Variants in STMN1 observed in about 807,000 individuals in gnomAD.
STMN1 encodes the protein stathmin.
In STMN1, 3 loss-of-function variants were observed where a neutral mutation model predicts 19.7. That is an observed-to-expected ratio of 0.15 (90% CI 0.07 to 0.39). The LOEUF is 0.39. Ranked by LOEUF, STMN1 falls within the 10% of genes least tolerant of loss-of-function variation. The pLI is 1.00. For synonymous variants in STMN1, 59 were observed against 58.9 expected (o/e 1.00, Z -0.01); for missense variants, 99 against 176.0 (o/e 0.56, Z 2.48).
chr1:25,903,594 C>A, intron 3 of STMN1, 47 bp downstream of exon 3: 1 of 1,603,596 alleles, frequency 6.2e-7, no homozygotes, highest in Non-Finnish European at 8.5e-7. Flanking sequence ...ATTGATCTGC[C>A]CATTACATAA....
downstream of STMN1, among the ~76,000 whole-genome samples, chr1:25,898,947 A>G (rs1451733486): frequency 1.3e-5 from 2 of 152,224 alleles, no homozygotes; most frequent in Non-Finnish European, 2.9e-5. Flanking sequence ...ATCTCCCCCA[A>G]CCATCTCATT....
intron 4 of STMN1, among the ~76,000 whole-genome samples, chr1:25,892,025 T>C (rs1360183397): frequency 6.6e-6 from 1 of 152,222 alleles, no homozygotes; most frequent in East Asian, 1.9e-4. Flanking sequence ...AATACTATTC[T>C]GTGTGACTCT....
intron 4 of STMN1, among the ~76,000 whole-genome samples, chr1:25,891,852 A>G (rs2048778828): frequency 6.6e-6 from 1 of 152,108 alleles, no homozygotes; most frequent in Non-Finnish European, 1.5e-5. Context: ...GGGGAGACCC[A>G]TGAAGCTGGC....
In STMN1 at chr1:25,901,604, C is replaced by G; in HGVS notation, c.265G>C (p.Glu89Gln). ...GCCATTTTACTGAAGTTGTTGTTCTCTTCTATTGCCTTCTGAAGCACTTCT... is the reference window on the plus strand; with the variant it reads ...GCCATTTTACTGAAGTTGTTGTTCTGTTCTATTGCCTTCTGAAGCACTTCT... ...EKEVLQKAIE[E>Q]NNNFSKMAEE... Residue 89 changes from glutamate (E) to glutamine (Q), a missense_variant, in exon 4 of 5, where the codon GAG (glutamate) becomes CAG (glutamine). Physicochemically the swap from Glu to Gln is conservative, Grantham distance 29. Around this residue, in one of 3 missense-constraint regions of STMN1, gnomAD observed 54 missense variants for 79.4 expected, o/e 0.68. Coordinates refer to ENST00000455785, the MANE Select transcript of STMN1 (RefSeq NM_005563.4). 1.2e-6 allele frequency: 2 copies of G among 1,614,046 alleles called. No homozygotes were observed. The highest frequency in any genetic ancestry group is 1.3e-5 in the African/African-American group (1 of 75,042).
rs2048859628 is a variant in STMN1 at position 25,900,522 on chromosome 1, C to A, written c.*494G>T. 8 of 985,952 alleles carry A rather than the reference C, an allele frequency of 8.1e-6. No individual in the cohort carries two copies. The highest frequency in any genetic ancestry group is 9.6e-6 in the Non-Finnish European group (8 of 830,056). 61.1% of individuals were successfully genotyped at this position (985,952 alleles called of 1,614,324 possible). ...GAACAAGTATCAACCAGGAGGGGCT[C>A]TATGGCTTGATTTATTAACCTAACT... On this transcript the variant is annotated 3_prime_UTR_variant, in exon 5 of 5. Coordinates refer to ENST00000455785, the MANE Select transcript of STMN1 (RefSeq NM_005563.4).
chr1:25,901,744 T>C (rs1299140653), intron 3 of STMN1, 62 bp from the exon 4 acceptor site: 13 of 1,507,034 alleles, frequency 8.6e-6, no homozygotes, highest in Admixed American at 2.1e-5. Flanking sequence ...GTGTGGTGGC[T>C]CACGCCTGTA....
At chr1:25,886,571 C>A (rs1463917550) in intron 4 of STMN1, among the ~76,000 whole-genome samples, 2 of 148,784 alleles carry the variant, frequency 1.3e-5, no homozygotes, top group African/African-American at 4.9e-5. Context: ...TCTGGAACAC[C>A]CCCACCACTT....
chr1:25,901,019 G>A lies in STMN1; in HGVS notation c.447C>T (p.Asp149=), dbSNP rs2048865799. ...SKDPADETEA[D] is the part of the protein sequence containing the mutation. ...GAAAGTCAGTTCTCAGAACAAATTAGTCAGCTTCAGTCTCGTCAGCAGGGT... is the reference window on the plus strand; with the variant it reads ...GAAAGTCAGTTCTCAGAACAAATTAATCAGCTTCAGTCTCGTCAGCAGGGT... The change falls in exon 5 of 5, where the codon GAC becomes GAT. Residue 149 remains aspartate (D), a synonymous_variant. Transcript: ENST00000455785. 1 of 1,609,312 alleles carries A rather than the reference G, an allele frequency of 6.2e-7. No homozygotes were observed. Among genetic ancestry groups the A allele is most frequent in the African/African-American group, 1.3e-5 (1 of 74,080 alleles).
At chr1:25,899,382 C>T (rs1030541238), downstream of STMN1, among the ~76,000 whole-genome samples, 1 of 152,216 alleles carries the variant, frequency 6.6e-6, no homozygotes, top group Admixed American at 6.5e-5. Flanking sequence ...CCAAGATGAA[C>T]TGTGCTGCAC....
intron 4 of STMN1, among the ~76,000 whole-genome samples, chr1:25,891,488 C>T (rs1473045615): frequency 1.3e-5 from 2 of 152,106 alleles, no homozygotes; most frequent in African/African-American, 2.4e-5. Flanking sequence ...TGTCCCAGTC[C>T]CCTGGGGGCA....
Position 25,902,724 on chromosome 1 carries a change from G to A in STMN1, c.186+917C>T, listed in dbSNP as rs1256983818. 5 of 152,232 alleles carry A rather than the reference G, an allele frequency of 3.3e-5. No individual in the cohort carries two copies. In the South Asian group the frequency reaches 1.0e-3, roughly 32 times the overall value. The allele number at this position is 152,232 out of a possible 1,614,324, so 9.4% of individuals were successfully genotyped here. A position where few individuals can be genotyped will look rare whatever the true frequency, so the allele number is the denominator to read the frequency against. The stretch of plus-strand genomic sequence containing the variant: ...GTTGATGTCTAAAAAGCTTTCCACT[G>A]TCCAACCTTTGGTTGTATTGCTTCC... On this transcript the variant is annotated intron_variant, in intron 3 of 4. Transcript: ENST00000455785.
chr1:25,890,112 A>T (rs971872127), intron 4 of STMN1, among the ~76,000 whole-genome samples: 2 of 151,326 alleles, frequency 1.3e-5, no homozygotes, highest in African/African-American at 4.9e-5. Context: ...AAGTAGGAGG[A>T]CTGGAGGTGT....
chr1:25,900,723 A>G lies in STMN1; in HGVS notation c.*293T>C, dbSNP rs2048862214. The G allele has an allele frequency of 1.7e-6, 2 of 1,170,388 alleles. No individual in the cohort carries two copies. The highest frequency in any genetic ancestry group is 1.6e-5 in the African/African-American group (1 of 62,862). The allele number at this position is 1,170,388 out of a possible 1,614,324, so 72.5% of individuals were successfully genotyped here. On this transcript the variant is annotated 3_prime_UTR_variant, in exon 5 of 5. Coordinates refer to ENST00000455785, the MANE Select transcript of STMN1 (RefSeq NM_005563.4). ...TCACAAATATGTTTTCACAGAGCCAATACAGTACTAGCCATTAACCCAGTA... is the reference window on the plus strand; with the variant it reads ...TCACAAATATGTTTTCACAGAGCCAGTACAGTACTAGCCATTAACCCAGTA...
downstream of STMN1, among the ~76,000 whole-genome samples, chr1:25,897,216 G>A (rs1189711974): frequency 6.6e-6 from 1 of 151,862 alleles, no homozygotes; most frequent in Non-Finnish European, 1.5e-5. Flanking sequence ...GGGAGGCTGA[G>A]GCAGGAGAAT....
chr1:25,885,606 C>T (rs2048714379), exon 5 of STMN1: 1 of 1,348,430 alleles, frequency 7.4e-7, no homozygotes, highest in East Asian at 2.7e-5. Context: ...TATTAGAATC[C>T]AAGTCTGCCT....
intron 4 of STMN1, among the ~76,000 whole-genome samples, chr1:25,886,867 T>C (rs574360522): frequency 7.9e-5 from 12 of 152,104 alleles, no homozygotes; most frequent in African/African-American, 1.2e-4. Context: ...ATTACAGGCA[T>C]GAGCCACCGT....
downstream of STMN1, chr1:25,885,088 G>T (rs548639716): frequency 6.5e-6 from 1 of 153,898 alleles, no homozygotes; most frequent in East Asian, 1.9e-4. Flanking sequence ...AGAGATCAGA[G>T]AATCTATGCG....
At chr1:25,893,627 G>A (rs7536136) in intron 4 of STMN1, among the ~76,000 whole-genome samples, 9,470 of 152,042 alleles carry the variant, frequency 0.062, 988 homozygotes, top group African/African-American at 0.22. Flanking sequence ...TGCAACCTCC[G>A]CCTCCTAGGT....
At chr1:25,890,854 C>A (rs1390760134) in intron 4 of STMN1, among the ~76,000 whole-genome samples, 1 of 152,038 alleles carries the variant, frequency 6.6e-6, no homozygotes, top group Non-Finnish European at 1.5e-5. Context: ...CCATATTGAG[C>A]CCCATGAATT....
Sources: gnomAD v4.1 joint callset for allele counts (sites outside exome capture counted in the v4.1 genomes callset) on GRCh38, gnomAD v4.1.1 for gene constraint, gnomAD v4.1.1 regional missense constraint, MANE v1.5 for transcripts, NCBI Gene and HGNC (gene_info 2026-07-23, HGNC 2026-07-21) for gene names.